The following SAMD11 variants were observed in gnomAD, a reference collection of about 807,000 sequenced individuals.
SAMD11 encodes sterile alpha motif domain containing 11.
In SAMD11, 77 loss-of-function variants were observed where a neutral mutation model predicts 64.4. The observed-to-expected ratio is 1.20, with a 90% confidence interval of 0.99 to 1.44. The LOEUF is 1.44. Ranked by LOEUF, SAMD11 falls within the 40% of genes most tolerant of loss-of-function variation. The pLI, the probability that SAMD11 is intolerant of heterozygous loss-of-function variation, is 0.00. For missense variants in SAMD11, 1,402 were observed against 943.3 expected (o/e 1.49, Z -6.37); for synonymous variants, 658 against 421.9 (o/e 1.56, Z -6.86).
At chr1:937,525 C>CGGT (rs1641523107) in intron 5 of SAMD11, among the ~76,000 whole-genome samples, 1 of 152,164 alleles carries the variant, frequency 6.6e-6, no homozygotes. Flanking sequence ...CTTGCTAACC[C>CGGT]TGAGGGCATG....
intron 4 of SAMD11, 56 bp downstream of exon 4, chr1:931,145 C>CCTCG (rs1641150924): frequency 1.3e-6 from 2 of 1,521,254 alleles, no homozygotes; most frequent in Non-Finnish European, 1.8e-6. Context: ...TCCCTCCCTC[C>CCTCG]CACCCCTGAC....
intron 2 of SAMD11, among the ~76,000 whole-genome samples, chr1:928,656 G>A (rs961230598): frequency 6.6e-5 from 10 of 152,232 alleles, no homozygotes; most frequent in Non-Finnish European, 7.3e-5. Context: ...TCTCAGCCTC[G>A]GACCCCAGGC....
rs1325918911 is a variant in SAMD11 at position 944,541 on chromosome 1, G to A, written c.*388G>A. 2 of 626,234 alleles carry A rather than the reference G, an allele frequency of 3.2e-6. No individual in the cohort carries two copies. The highest frequency in any genetic ancestry group is 5.4e-6 in the Non-Finnish European group (2 of 369,082). The allele number at this position is 626,234 out of a possible 1,614,324, so 38.8% of individuals were successfully genotyped here. A position where few individuals can be genotyped will look rare whatever the true frequency, so the allele number is the denominator to read the frequency against. ...CCCAGCCCAGCTCTCGATACGTTTG[G>A]TCTTTCATGCTGAAAAATAAATAAT... On this transcript the variant is annotated 3_prime_UTR_variant, in exon 14 of 14. Transcript: ENST00000616016.
Position 944,242 on chromosome 1 carries a change from C to A in SAMD11, c.*89C>A, listed in dbSNP as rs894087603. The A allele has an allele frequency of 2.8e-6, 4 of 1,447,196 alleles. No individual in the cohort carries two copies. The highest frequency in any genetic ancestry group is 3.6e-6 in the Non-Finnish European group (4 of 1,100,464). 89.6% of individuals were successfully genotyped at this position (1,447,196 alleles called of 1,614,324 possible). A position where few individuals can be genotyped will look rare whatever the true frequency, so the allele number is the denominator to read the frequency against. ...CTGCCTCCCACCGCTTTATTTCTTT[C>A]GGTTTCGGATGCAAAACAAAAAATT... On this transcript the variant is annotated 3_prime_UTR_variant, in exon 14 of 14. Coordinates refer to ENST00000616016, the MANE Select transcript of SAMD11 (RefSeq NM_001385641.1).
At chr1:940,502 G>C (rs936072102) in intron 7 of SAMD11, 1 of 152,246 alleles carries the variant, frequency 6.6e-6, no homozygotes, top group Non-Finnish European at 1.5e-5. Context: ...GGAGCTGGCG[G>C]AGCCTGCATA....
At position 943,335 on chromosome 1, in the gene SAMD11, C is replaced by T. The variant is rs775167556; in HGVS notation, c.2136C>T (p.Cys712=). 10 of 1,603,616 alleles carry T rather than the reference C, an allele frequency of 6.2e-6. No homozygotes were observed. The highest frequency in any genetic ancestry group is 1.1e-5 in the South Asian group (1 of 90,188). Residue 712 remains cysteine (C), a synonymous_variant, in exon 12 of 14, where the codon TGC becomes TGT. Coordinates refer to ENST00000616016, the MANE Select transcript of SAMD11 (RefSeq NM_001385641.1). ...CCAAGTGGACCGTGGATGACGTCTG[C>T]AGCTTCGTGGGGGGCCTGTCTGGCT... ...DVTKWTVDDV[C]SFVGGLSGCG...
chr1:940,147 C>G (rs570512641), intron 7 of SAMD11, among the ~76,000 whole-genome samples: 5 of 152,322 alleles, frequency 3.3e-5, no homozygotes, highest in African/African-American at 1.2e-4. Context: ...GCTCAGGCAC[C>G]AAGAGCCTGA....
At position 930,015 on chromosome 1, in the gene SAMD11, G is replaced by T. The variant is rs545212814; in HGVS notation, c.610-140G>T. The T allele has an allele frequency of 1.8e-4, 184 of 1,016,480 alleles. No homozygotes were observed. In the East Asian group the frequency reaches 4.6e-3, roughly 26 times the overall value. The allele number at this position is 1,016,480 out of a possible 1,614,324, so 63.0% of individuals were successfully genotyped here. A position where few individuals can be genotyped will look rare whatever the true frequency, so the allele number is the denominator to read the frequency against. Reference sequence around the variant, plus strand: ...TGGCTGCTCTGAGGGCACCTCTGCCGTGCTTGGGGCTCGGCCTGGGGTGCG... The same window carrying T: ...TGGCTGCTCTGAGGGCACCTCTGCCTTGCTTGGGGCTCGGCCTGGGGTGCG... On this transcript the variant is annotated intron_variant, in intron 2 of 13. Coordinates refer to ENST00000616016, the MANE Select transcript of SAMD11 (RefSeq NM_001385641.1).
rs764138703 is a variant in SAMD11 at position 943,249 on chromosome 1, T to C, written c.2054-4T>C. 2 of 1,612,662 alleles carry C rather than the reference T, an allele frequency of 1.2e-6. No homozygotes were observed. Among genetic ancestry groups the C allele is most frequent in the Admixed American group, 3.3e-5 (2 of 59,954 alleles). ...GAGCCCTAGTAACACGCCCCACAAC[T>C]CAGGCGCGGTAGGGGGACTCTCCAT... On this transcript the variant is annotated splice_region_variant and splice_polypyrimidine_tract_variant and intron_variant, in intron 11 of 13. Coordinates refer to ENST00000616016, the MANE Select transcript of SAMD11 (RefSeq NM_001385641.1).
At chr1:936,687 G>A (rs976160468) in intron 5 of SAMD11, among the ~76,000 whole-genome samples, 1 of 152,100 alleles carries the variant, frequency 6.6e-6, no homozygotes, top group Non-Finnish European at 1.5e-5. Context: ...GGAAGGAGGG[G>A]TGGGGGAGGC....
At chr1:942,531 G>A (rs1477107574) in intron 10 of SAMD11, 28 bp from the exon 11 acceptor site, 14 of 1,417,598 alleles carry the variant, frequency 9.9e-6, no homozygotes, top group Non-Finnish European at 1.3e-5. Context: ...CCCGGGAGGC[G>A]GCTGACCCGC....
chr1:936,846 C>A (rs528794807), intron 5 of SAMD11, among the ~76,000 whole-genome samples: 3 of 152,168 alleles, frequency 2.0e-5, no homozygotes, highest in Non-Finnish European at 4.4e-5. Flanking sequence ...CCCCATCGAT[C>A]CAGCAGAGCG....
chr1:941,835 G>A (rs1421975525), intron 8 of SAMD11, among the ~76,000 whole-genome samples: 1 of 152,128 alleles, frequency 6.6e-6, no homozygotes, highest in Non-Finnish European at 1.5e-5. Context: ...TGCGGCTAAT[G>A]ACGCCCCCGC....
At chr1:927,764 C>A (rs1045070932) in intron 2 of SAMD11, among the ~76,000 whole-genome samples, 1 of 152,238 alleles carries the variant, frequency 6.6e-6, no homozygotes, top group African/African-American at 2.4e-5. Context: ...GCCGAGTTTT[C>A]AGATCTGTGT....
chr1:941,050 T>G (rs1348126110), intron 7 of SAMD11, 94 bp from the exon 8 acceptor site: 2 of 1,203,328 alleles, frequency 1.7e-6, no homozygotes, highest in Non-Finnish European at 2.3e-6. Context: ...AGTGGTGTGG[T>G]CAGTTCCCCA....
At chr1:937,171 G>A (rs1641500102) in intron 5 of SAMD11, among the ~76,000 whole-genome samples, 1 of 152,126 alleles carries the variant, frequency 6.6e-6, no homozygotes, top group African/African-American at 2.4e-5. Flanking sequence ...TTCACCCTGG[G>A]GGGCGTTCAC....
At position 930,328 on chromosome 1, in the gene SAMD11, G is replaced by A; in HGVS notation, c.783G>A (p.Met261Ile). 1 of 1,603,440 alleles carries A rather than the reference G, an allele frequency of 6.2e-7. No individual in the cohort carries two copies. The highest frequency in any genetic ancestry group is 1.1e-5 in the South Asian group (1 of 89,008). The change falls in exon 3 of 14, where the codon ATG (methionine) becomes ATA (isoleucine). Residue 261 changes from methionine to isoleucine, a missense_variant. Transcript: ENST00000616016. ...AGGATGGTCCGCACATCCGTATCATGAAGAGAAGGTACTTGGACCAGGGCC... is the reference window on the plus strand; with the variant it reads ...AGGATGGTCCGCACATCCGTATCATAAAGAGAAGGTACTTGGACCAGGGCC... ...KQEDGPHIRI[M>I]KRRVHTHWDV...
At position 944,043 on chromosome 1, in the gene SAMD11, T is replaced by TCCCCCTATGGAGGGGGCCACGC. The variant is rs1557612707; in HGVS notation, c.2428_2449dup (p.Leu817ProfsTer94). On this transcript the variant is annotated frameshift_variant, in exon 14 of 14. Transcript: ENST00000616016. LOFTEE classifies it low-confidence loss of function (END_TRUNC). ...GCCCTTGTCCCCCACGACGGCCACGTCCCCCTATGGAGGGGGCCACGCCCT... is the reference window on the plus strand; with the variant it reads ...GCCCTTGTCCCCCACGACGGCCACGTCCCCCTATGGAGGGGGCCACGCCCCCCTATGGAGGGGGCCACGCCCT... The TCCCCCTATGGAGGGGGCCACGC allele has an allele frequency of 6.8e-6, 11 of 1,612,592 alleles. No individual in the cohort carries two copies. The highest frequency in any genetic ancestry group is 1.3e-5 in the African/African-American group (1 of 74,888).
chr1:941,969 T>C, intron 8 of SAMD11, 167 bp from the exon 9 acceptor site: 1 of 365,424 alleles, frequency 2.7e-6, no homozygotes, highest in Non-Finnish European at 4.9e-6. Flanking sequence ...CGAGATTAAT[T>C]GGCGCCGCCG....
Sources: allele counts gnomAD v4.1 joint callset (sites outside exome capture counted in the v4.1 genomes callset), GRCh38; gene constraint gnomAD v4.1.1; transcripts MANE v1.5; gene names NCBI Gene and HGNC (gene_info 2026-07-23, HGNC 2026-07-21).